CPNE2: variants seen among roughly 807,000 people sequenced by gnomAD.
CPNE2 encodes the protein copine 2.
In CPNE2, 42 loss-of-function variants were observed where a neutral mutation model predicts 69.7. The observed-to-expected ratio is 0.60, with a 90% CI of 0.47 to 0.78. The LOEUF (loss-of-function observed/expected upper bound fraction) is 0.78. CPNE2 is among the 30% of genes least tolerant of loss of function. CPNE2 has a pLI of 0.00. For missense variants in CPNE2, 587 were observed against 732.0 expected, an observed-to-expected ratio of 0.80 and a Z score of 2.29; for synonymous variants, 294 against 289.8, an observed-to-expected ratio of 1.01 and a Z score of -0.15.
At chr16:57,102,625 A>G (rs1308365101) in intron 1 of CPNE2, among the ~76,000 whole-genome samples, 1 of 147,162 alleles carries the variant, frequency 6.8e-6, no homozygotes, top group African/African-American at 2.5e-5. Context: ...TTTTTGAGAG[A>G]GGGTCTCCCT....
chr16:57,139,314 T>A (rs2069904964), intron 14 of CPNE2, among the ~76,000 whole-genome samples: 1 of 152,104 alleles, frequency 6.6e-6, no homozygotes, highest in Non-Finnish European at 1.5e-5. Context: ...CCAGTCTGGG[T>A]GGTGACAGCT....
rs1272398790 is a variant in CPNE2, at chr16:57,137,163, G to A, written c.1183G>A (p.Ala395Thr). Residue 395 changes from alanine to threonine, a missense_variant, in exon 14 of 16, where the codon GCC becomes ACC. By Grantham distance (58) the Ala-to-Thr change is moderately conservative. This residue lies in a region of CPNE2 where 185 missense variants were observed against 252.3 expected (regional missense o/e 0.73). Transcript: ENST00000290776. The part of the protein sequence containing the change: ...NPFCSGVDGI[A>T]QAYSACLPHI... ...TCCCGAGGCAGGTGTGGATGGTATT[G>A]CCCAGGCGTACTCAGCTTGCCTGCC... 4 of 1,614,148 alleles carry A rather than the reference G, an allele frequency of 2.5e-6. No homozygotes were observed. The South Asian group carries it at 4.4e-5, about 18-fold the overall frequency.
intron 1 of CPNE2, among the ~76,000 whole-genome samples, chr16:57,095,282 C>T (rs1292289331): frequency 6.6e-6 from 1 of 152,128 alleles, no homozygotes; most frequent in African/African-American, 2.4e-5. Context: ...CCTCCCTGTC[C>T]AGAAGGGAGG....
chr16:57,124,453 G>A (rs1479156797), intron 10 of CPNE2: 4 of 444,890 alleles, frequency 9.0e-6, no homozygotes, highest in East Asian at 7.0e-5. Context: ...CTCCCTGATC[G>A]TCGCACCCAC....
intron 1 of CPNE2, among the ~76,000 whole-genome samples, chr16:57,101,170 C>G (rs1187158648): frequency 6.6e-6 from 1 of 152,212 alleles, no homozygotes; most frequent in African/African-American, 2.4e-5. Context: ...GGGTTTCCAG[C>G]CTTCTGGCTT....
chr16:57,128,412 G>C (rs1479964467), intron 12 of CPNE2, among the ~76,000 whole-genome samples: 1 of 151,918 alleles, frequency 6.6e-6, no homozygotes, highest in Non-Finnish European at 1.5e-5. Flanking sequence ...TGTATTTTTA[G>C]TAGAGAGTTT....
chr16:57,119,862 C>T (rs1202692841), intron 7 of CPNE2, among the ~76,000 whole-genome samples: 9 of 152,264 alleles, frequency 5.9e-5, no homozygotes, highest in African/African-American at 1.9e-4. Flanking sequence ...CTTTGAGCCC[C>T]TCTCTAAAAC....
intron 1 of CPNE2, among the ~76,000 whole-genome samples, chr16:57,107,471 G>A (rs576145122): frequency 2.6e-5 from 4 of 152,300 alleles, no homozygotes; most frequent in East Asian, 1.9e-4. Context: ...CCTGCAGACC[G>A]GGGCTTGCAG....
intron 2 of CPNE2, 59 bp downstream of exon 2, chr16:57,110,981 G>A: frequency 1.3e-6 from 2 of 1,509,916 alleles, no homozygotes; most frequent in African/African-American, 1.4e-5. Context: ...CTGGGGAGGG[G>A]GAGTCTCCCA....
intron 14 of CPNE2, 101 bp downstream of exon 14, chr16:57,137,383 A>T: frequency 7.0e-7 from 1 of 1,433,696 alleles, no homozygotes; most frequent in Non-Finnish European, 9.5e-7. Context: ...ATCCTAGTGG[A>T]CACCTCTGGG....
rs1567329672 is a variant in CPNE2 at position 57,146,131 on chromosome 16, T to C, written c.1349T>C (p.Met450Thr). The C allele has an allele frequency of 6.3e-7, 1 of 1,599,444 alleles. No homozygotes were observed. Among genetic ancestry groups the C allele is most frequent in the Non-Finnish European group, 8.5e-7 (1 of 1,172,518 alleles). Residue 450 changes from methionine (M) to threonine (T), a missense_variant, in exon 15 of 16, where the codon ATG becomes ACG. Physicochemically the swap from Met to Thr is moderately conservative, Grantham distance 81. Coordinates refer to ENST00000290776, the MANE Select transcript of CPNE2 (RefSeq NM_152727.6). The surrounding 1 kb of genome is among the most constrained non-coding windows in gnomAD (Gnocchi z 4.4). Reference protein sequence around the residue: ...LIITDGVISDMEETRHAVVQA... With the variant: ...LIITDGVISDTEETRHAVVQA... Reference sequence around the variant, plus strand: ...ATCACGGACGGGGTCATCAGTGACATGGAGGAGACACGGCATGCCGTGGTG... The same window carrying C: ...ATCACGGACGGGGTCATCAGTGACACGGAGGAGACACGGCATGCCGTGGTG...
chr16:57,142,368 TCTCA>T (rs2069928393), intron 14 of CPNE2: 1 of 152,292 alleles, frequency 6.6e-6, no homozygotes, highest in South Asian at 2.1e-4. Flanking sequence ...GCGTGGAGTG[TCTCA>T]GGCGGAGGGA....
At chr16:57,100,006 C>T (rs916401891) in intron 1 of CPNE2, among the ~76,000 whole-genome samples, 2 of 152,078 alleles carry the variant, frequency 1.3e-5, no homozygotes, top group Non-Finnish European at 2.9e-5. Context: ...ATCTCTTGAC[C>T]TTGTGATCCA....
intron 12 of CPNE2, among the ~76,000 whole-genome samples, chr16:57,131,724 C>T (rs1034512673): frequency 1.3e-5 from 2 of 152,192 alleles, no homozygotes; most frequent in Admixed American, 1.3e-4. Context: ...CAGGCCTGGC[C>T]CCTCCTGGCC....
intron 12 of CPNE2, among the ~76,000 whole-genome samples, chr16:57,133,179 CA>C (rs1346289240): frequency 1.3e-5 from 2 of 152,198 alleles, no homozygotes; most frequent in African/African-American, 4.8e-5. Context: ...CTCCAGCCCC[CA>C]AACCTGGAGC....
chr16:57,121,155 A>C lies in CPNE2; in HGVS notation c.744A>C (p.Ser248=), dbSNP rs777227408. The part of the protein sequence containing the change: ...GHDFIGEFQT[S]VSQMCEARDS... The stretch of plus-strand genomic sequence containing the variant: ...ACTTCATCGGCGAGTTCCAGACCTC[A>C]GTGTCACAGATGTGTGAGGCTCGAG... The change falls in exon 8 of 16, where the codon TCA becomes TCC. Residue 248 remains serine (S), a synonymous_variant. Transcript: ENST00000290776. 5 of 1,613,914 alleles carry C rather than the reference A, an allele frequency of 3.1e-6. No homozygotes were observed. Among genetic ancestry groups the C allele is most frequent in the Non-Finnish European group, 4.2e-6 (5 of 1,179,950 alleles).
At chr16:57,114,079 G>A (rs1360736519) in intron 3 of CPNE2, among the ~76,000 whole-genome samples, 3 of 152,230 alleles carry the variant, frequency 2.0e-5, no homozygotes, top group Non-Finnish European at 2.9e-5. Context: ...GGGTCCTAGT[G>A]GAGACTGAAA....
intron 13 of CPNE2, 73 bp downstream of exon 13, chr16:57,134,899 G>A: frequency 1.4e-6 from 2 of 1,473,938 alleles, no homozygotes; most frequent in South Asian, 1.1e-5. Context: ...TGGAGGGAGG[G>A]CAGAGGACAG....
intron 10 of CPNE2, 48 bp downstream of exon 10, chr16:57,123,521 G>T (rs759517860): frequency 1.9e-5 from 30 of 1,589,756 alleles, no homozygotes; most frequent in Non-Finnish European, 2.6e-5. Context: ...CCCAGTGAGG[G>T]TCCTCCCTGA....
Sources: gnomAD v4.1 joint callset for allele counts (sites outside exome capture counted in the v4.1 genomes callset) on GRCh38, gnomAD v4.1.1 for gene constraint, gnomAD v4.1.1 regional missense constraint, Gnocchi (gnomAD v3.1) non-coding constraint, MANE v1.5 for transcripts, NCBI Gene and HGNC (gene_info 2026-07-23, HGNC 2026-07-21) for gene names.